Variants in MAF observed in about 807,000 individuals in gnomAD.
The protein encoded by MAF is MAF bZIP transcription factor, also known as transcription factor Maf.
Under a neutral mutation model 22.0 loss-of-function variants are expected in MAF, and 10 were observed. That is an observed-to-expected ratio of 0.45 (90% confidence interval 0.28 to 0.77). The LOEUF (loss-of-function observed/expected upper bound fraction) is 0.77, where lower values mean the gene tolerates loss of function less well. Among genes scored for constraint, MAF ranks in the 30% least tolerant of loss-of-function variants. The pLI is 0.12. For synonymous variants in MAF, 337 were observed against 255.8 expected, an observed-to-expected ratio of 1.32 and a Z score of -3.03; for missense variants, 544 against 548.4, an observed-to-expected ratio of 0.99 and a Z score of 0.08.
the MAF span, among the ~76,000 whole-genome samples, chr16:79,296,367 C>T: frequency 2.6e-5 from 4 of 152,106 alleles, no homozygotes; most frequent in Non-Finnish European, 5.9e-5. Context: ...TGGGGCCTGT[C>T]GGGGGGCAGG....
the MAF span, among the ~76,000 whole-genome samples, chr16:79,533,735 C>T: frequency 5.3e-5 from 8 of 152,212 alleles, no homozygotes; most frequent in South Asian, 2.1e-4. Context: ...GTGACCTCTC[C>T]GCCACCTCCC....
At chr16:79,577,788 G>A in the MAF span, among the ~76,000 whole-genome samples, 2 of 152,194 alleles carry the variant, frequency 1.3e-5, no homozygotes, top group East Asian at 3.8e-4. Context: ...AAAATTTTGT[G>A]ATTAAATATT....
At chr16:79,394,962 A>C in the MAF span, among the ~76,000 whole-genome samples, 24 of 152,234 alleles carry the variant, frequency 1.6e-4, no homozygotes, top group Non-Finnish European at 1.2e-4. Flanking sequence ...GCTCTATAGC[A>C]CAGAGCATAT....
the MAF span, among the ~76,000 whole-genome samples, chr16:79,276,887 G>T: frequency 2.6e-5 from 4 of 152,110 alleles, no homozygotes; most frequent in Non-Finnish European, 4.4e-5. Context: ...CTCCAGGGGA[G>T]GATCCTTCTC....
chr16:79,575,519 T>C, the MAF span, among the ~76,000 whole-genome samples: 8 of 152,298 alleles, frequency 5.3e-5, no homozygotes, highest in South Asian at 1.7e-3. Context: ...TTCTGAGAAT[T>C]GGAGCTTAGA....
At chr16:79,243,325 G>C in the MAF span, among the ~76,000 whole-genome samples, 1 of 151,316 alleles carries the variant, frequency 6.6e-6, no homozygotes, top group South Asian at 2.1e-4. Flanking sequence ...CCACTAGCCA[G>C]ATTAATTTAA....
the MAF span, among the ~76,000 whole-genome samples, chr16:79,223,093 T>C: frequency 6.6e-6 from 1 of 152,288 alleles, no homozygotes; most frequent in South Asian, 2.1e-4. Flanking sequence ...ATTGCACTTA[T>C]TGTAAAATTG....
the MAF span, among the ~76,000 whole-genome samples, chr16:79,401,726 G>A: frequency 6.6e-6 from 1 of 152,250 alleles, no homozygotes; most frequent in African/African-American, 2.4e-5. Flanking sequence ...GCAGAATACG[G>A]AGACCAGAAG....
the MAF span, among the ~76,000 whole-genome samples, chr16:79,389,282 G>C: frequency 8.5e-5 from 13 of 152,170 alleles, no homozygotes; most frequent in African/African-American, 2.4e-4. Context: ...TTATTTATGA[G>C]ACAGAGTCTC....
the MAF span, among the ~76,000 whole-genome samples, chr16:79,430,578 C>G: frequency 6.6e-6 from 1 of 152,192 alleles, no homozygotes; most frequent in African/African-American, 2.4e-5. Flanking sequence ...ACGGCAGGCA[C>G]AGAGCACATT....
At chr16:79,499,568 G>T in the MAF span, among the ~76,000 whole-genome samples, 2 of 152,082 alleles carry the variant, frequency 1.3e-5, no homozygotes, top group African/African-American at 4.8e-5. Flanking sequence ...ACGAGAATGG[G>T]GTCATCATGA....
At chr16:79,272,226 G>C in the MAF span, among the ~76,000 whole-genome samples, 3 of 152,336 alleles carry the variant, frequency 2.0e-5, no homozygotes, top group Admixed American at 2.0e-4. Flanking sequence ...GTTGAGCGGT[G>C]CTCTCTGTGT....
At chr16:79,563,545 A>AT in the MAF span, among the ~76,000 whole-genome samples, 1,675 of 152,092 alleles carry the variant, frequency 0.011, 26 homozygotes, top group African/African-American at 0.038. Flanking sequence ...TCAGTAATAC[A>AT]TTTTTTATAA....
the MAF span, among the ~76,000 whole-genome samples, chr16:79,221,302 T>G: frequency 6.6e-6 from 1 of 152,158 alleles, no homozygotes; most frequent in African/African-American, 2.4e-5. Flanking sequence ...CAAACCCACT[T>G]TAGGGAGAGA....
the MAF span, among the ~76,000 whole-genome samples, chr16:79,362,144 C>T: frequency 6.6e-6 from 1 of 152,172 alleles, no homozygotes; most frequent in Non-Finnish European, 1.5e-5. Flanking sequence ...ATTCACAGTG[C>T]TTACCTCATT....
chr16:79,347,852 C>A, the MAF span, among the ~76,000 whole-genome samples: 3 of 152,120 alleles, frequency 2.0e-5, no homozygotes, highest in East Asian at 3.9e-4. Context: ...TTGTCCCAGG[C>A]GAGAACAGTG....
At chr16:79,333,208 G>A in the MAF span, among the ~76,000 whole-genome samples, 2 of 152,186 alleles carry the variant, frequency 1.3e-5, no homozygotes, top group Non-Finnish European at 1.5e-5. Context: ...TGGACCAGAA[G>A]AACTTTGCTG....
the MAF span, among the ~76,000 whole-genome samples, chr16:79,552,966 C>A: frequency 6.6e-6 from 1 of 152,250 alleles, no homozygotes; most frequent in Non-Finnish European, 1.5e-5. Flanking sequence ...GGGCCTCACA[C>A]TTCCCTGAGG....
the MAF span, among the ~76,000 whole-genome samples, chr16:79,255,930 A>AGC: frequency 1.3e-5 from 2 of 149,716 alleles, no homozygotes; most frequent in African/African-American, 5.0e-5. Context: ...TATTATTGTT[A>AGC]GCTAGAGAGA....
Sources: allele counts gnomAD v4.1 joint callset (sites outside exome capture counted in the v4.1 genomes callset), GRCh38; gene constraint gnomAD v4.1.1; transcripts MANE v1.5; gene names NCBI Gene and HGNC (gene_info 2026-07-23, HGNC 2026-07-21).